The following METTL15 variants were observed in gnomAD, a reference collection of about 807,000 sequenced individuals.
The protein encoded by METTL15 is methyltransferase 15, mitochondrial 12S rRNA N4-cytidine, also known as 12S rRNA N(4)-cytidine methyltransferase METTL15.
In METTL15, 34 loss-of-function variants were observed where a neutral mutation model predicts 38.3. That is an observed-to-expected ratio of 0.89 (90% CI 0.68 to 1.18). METTL15 has a LOEUF of 1.18. METTL15 is among the 50% of genes most tolerant of loss of function. The pLI, the probability that METTL15 is intolerant of heterozygous loss-of-function variation, is 0.00. For synonymous variants in METTL15, 162 were observed against 170.9 expected, an observed-to-expected ratio of 0.95 and a Z score of 0.41; for missense variants, 438 against 498.4, an observed-to-expected ratio of 0.88 and a Z score of 1.15.
intron 6 of METTL15, among the ~76,000 whole-genome samples, chr11:28,466,646 C>T (rs949707709): frequency 3.9e-5 from 6 of 152,314 alleles, no homozygotes; most frequent in Non-Finnish European, 5.9e-5. Flanking sequence ...GCGGCTCCCT[C>T]GGTACATCAC....
chr11:28,133,554 A>G (rs534583744), intron 3 of METTL15, among the ~76,000 whole-genome samples: 76 of 152,340 alleles, frequency 5.0e-4, no homozygotes, highest in Middle Eastern at 3.4e-3. Flanking sequence ...AGATACTGCA[A>G]AAATGATAGT....
chr11:28,479,360 A>T (rs1851375569), intron 6 of METTL15, among the ~76,000 whole-genome samples: 1 of 152,176 alleles, frequency 6.6e-6, no homozygotes, highest in Non-Finnish European at 1.5e-5. Context: ...AGTGATGTAA[A>T]AGTGACTGAA....
At chr11:28,109,082 A>C (rs1375763435) in intron 1 of METTL15, among the ~76,000 whole-genome samples, 1 of 152,188 alleles carries the variant, frequency 6.6e-6, no homozygotes, top group Non-Finnish European at 1.5e-5. Flanking sequence ...TATTTTGTGG[A>C]TTCAATATCA....
intron 3 of METTL15, among the ~76,000 whole-genome samples, chr11:28,155,550 C>T (rs891433983): frequency 6.6e-6 from 1 of 152,070 alleles, no homozygotes; most frequent in Non-Finnish European, 1.5e-5. Flanking sequence ...GAATTAATGG[C>T]TTATGGACCC....
At chr11:28,472,258 T>C (rs1851309818) in intron 6 of METTL15, among the ~76,000 whole-genome samples, 1 of 152,168 alleles carries the variant, frequency 6.6e-6, no homozygotes, top group African/African-American at 2.4e-5. Flanking sequence ...CAAGCATGAC[T>C]GGAAGTTCAC....
chr11:28,500,407 G>A (rs2585812), intron 6 of METTL15, among the ~76,000 whole-genome samples: 1 of 152,202 alleles, frequency 6.6e-6, no homozygotes, highest in South Asian at 2.1e-4. Flanking sequence ...CCTTGATTAA[G>A]AACAGGCTTG....
At position 28,263,913 on chromosome 11, in the gene METTL15, T is replaced by C. The variant is rs189030833; in HGVS notation, c.408-26293T>C. The stretch of plus-strand genomic sequence containing the variant: ...GTAACTTATTATCCTCCCAAGATGA[T>C]GGTAAGTGTTTTGAGGGCAAGGATC... On this transcript the variant is annotated intron_variant, in intron 4 of 6. Coordinates refer to ENST00000407364, the MANE Select transcript of METTL15 (RefSeq NM_001113528.2). Among the ~76,000 whole-genome samples the C allele has an allele frequency of 9.1e-4, 139 of 152,206 alleles. 1 individual carries two copies. Among genetic ancestry groups the C allele is most frequent in the African/African-American group, 3.3e-3 (138 of 41,560 alleles).
chr11:28,164,457 G>GT lies in METTL15; in HGVS notation c.271-46600dup, dbSNP rs1174652366. Among the ~76,000 whole-genome samples, 10 of 151,964 alleles carry GT rather than the reference G, an allele frequency of 6.6e-5. No homozygotes were observed. The South Asian group carries it at 1.0e-3, about 16-fold the overall frequency. On this transcript the variant is annotated intron_variant, in intron 3 of 6. Transcript: ENST00000407364. ...AAACTGACATTGCCATAATTTATAG[G>GT]TTTTTCCCCCATATTTAGCCATACA...
At chr11:28,437,843 AATG>A (rs1850996451) in intron 6 of METTL15, among the ~76,000 whole-genome samples, 1 of 152,158 alleles carries the variant, frequency 6.6e-6, no homozygotes, top group Non-Finnish European at 1.5e-5. Flanking sequence ...GTTTCTTCCA[AATG>A]ATGTGATTAG....
chr11:28,251,211 C>A (rs1171055672), intron 4 of METTL15, among the ~76,000 whole-genome samples: 2 of 151,946 alleles, frequency 1.3e-5, no homozygotes, highest in Non-Finnish European at 1.5e-5. Context: ...TCCACCCTAC[C>A]AAATCTTATA....
At chr11:28,151,823 A>G (rs1590819353) in intron 3 of METTL15, among the ~76,000 whole-genome samples, 3 of 152,148 alleles carry the variant, frequency 2.0e-5, no homozygotes, top group Non-Finnish European at 4.4e-5. Flanking sequence ...GTCTCAGCCC[A>G]ACAAAGTTTA....
chr11:28,238,722 C>A (rs1046075767), intron 4 of METTL15, among the ~76,000 whole-genome samples: 1 of 152,160 alleles, frequency 6.6e-6, no homozygotes, highest in Non-Finnish European at 1.5e-5. Context: ...AGCTATAGAC[C>A]GGAGCTGTTC....
At chr11:28,114,231 GAT>G (rs1851847147) in intron 3 of METTL15, among the ~76,000 whole-genome samples, 1 of 152,044 alleles carries the variant, frequency 6.6e-6, no homozygotes, top group African/African-American at 2.4e-5. Flanking sequence ...TGGATTCATA[GAT>G]ATGTGGCATT....
intron 4 of METTL15, among the ~76,000 whole-genome samples, chr11:28,283,701 G>A (rs1020411853): frequency 1.1e-4 from 16 of 152,140 alleles, no homozygotes; most frequent in African/African-American, 3.1e-4. Flanking sequence ...AGAAATGGCT[G>A]CCTACAACCA....
intron 4 of METTL15, among the ~76,000 whole-genome samples, chr11:28,279,467 A>G (rs917486903): frequency 6.6e-6 from 1 of 152,078 alleles, no homozygotes; most frequent in South Asian, 2.1e-4. Flanking sequence ...TGTTCAACCT[A>G]TTCTATGTTC....
intron 6 of METTL15, among the ~76,000 whole-genome samples, chr11:28,430,723 G>A (rs1850915438): frequency 8.5e-6 from 1 of 117,902 alleles, no homozygotes; most frequent in Admixed American, 7.9e-5. Flanking sequence ...TGGGAGGGAG[G>A]TGGGGGGGTC....
chr11:28,268,634 G>A (rs528723603), intron 4 of METTL15, among the ~76,000 whole-genome samples: 6 of 152,104 alleles, frequency 3.9e-5, no homozygotes, highest in Non-Finnish European at 8.8e-5. Context: ...TTTAGGATAA[G>A]GTAGTACAAT....
chr11:28,374,715 G>A (rs1363392821), intron 5 of METTL15, among the ~76,000 whole-genome samples: 3 of 151,444 alleles, frequency 2.0e-5, no homozygotes, highest in Non-Finnish European at 4.4e-5. Context: ...GAATAGGAGT[G>A]GTGAGAGAGG....
chr11:28,199,313 C>G (rs1379523434), intron 3 of METTL15, among the ~76,000 whole-genome samples: 3 of 151,938 alleles, frequency 2.0e-5, no homozygotes, highest in African/African-American at 7.2e-5. Context: ...TATAGTTAGC[C>G]CTCTTACATT....
Sources: gnomAD v4.1 joint callset for allele counts (sites outside exome capture counted in the v4.1 genomes callset) on GRCh38, gnomAD v4.1.1 for gene constraint, MANE v1.5 for transcripts, NCBI Gene and HGNC (gene_info 2026-07-23, HGNC 2026-07-21) for gene names.